The following WNT2B variants were observed in gnomAD, a reference collection of about 807,000 sequenced individuals.
WNT2B encodes the protein Wnt family member 2B, also known as protein Wnt-2b.
WNT2B carries 19 observed loss-of-function variants against 40.5 expected under a neutral mutation model. The observed-to-expected ratio is 0.47, with a 90% CI of 0.33 to 0.69. The LOEUF is 0.69. Among genes scored for constraint, WNT2B ranks in the 30% least tolerant of loss-of-function variants. The pLI, the probability that WNT2B is intolerant of heterozygous loss-of-function variation, is 0.02. For missense variants in WNT2B, 467 were observed against 556.4 expected, an observed-to-expected ratio of 0.84 and a Z score of 1.62; for synonymous variants, 220 against 211.9, an observed-to-expected ratio of 1.04 and a Z score of -0.33.
rs549292466 is a variant in WNT2B, at chr1:112,517,224, G to C, written c.785G>C (p.Gly262Ala). ...WRALSDFRRTGDYLRRRYDGA... is the reference protein window; with the variant it reads ...WRALSDFRRTADYLRRRYDGA... Reference sequence around the variant, plus strand: ...GCACTCTCAGATTTCCGCCGCACAGGTGATTACCTGCGGCGACGCTATGAT... The same window carrying C: ...GCACTCTCAGATTTCCGCCGCACAGCTGATTACCTGCGGCGACGCTATGAT... The change falls in exon 4 of 5, where the codon GGT becomes GCT. Residue 262 changes from glycine to alanine, a missense_variant. Gly to Ala is a moderately conservative substitution (Grantham distance 60, BLOSUM62 0). This residue lies in a region of WNT2B where 330 missense variants were observed against 438.6 expected (regional missense o/e 0.75). Coordinates refer to ENST00000369684, the MANE Select transcript of WNT2B (RefSeq NM_024494.3). The C allele has an allele frequency of 1.9e-6, 3 of 1,614,212 alleles. No individual in the cohort carries two copies. In the South Asian group the frequency reaches 3.3e-5, roughly 18 times the overall value.
At chr1:112,501,999 C>G (rs1336276185) in intron 1 of WNT2B, among the ~76,000 whole-genome samples, 3 of 152,262 alleles carry the variant, frequency 2.0e-5, no homozygotes, top group Non-Finnish European at 4.4e-5. Context: ...CGGCGCGGCG[C>G]CCGGTTCACA....
chr1:112,522,358 A>G lies in WNT2B; in HGVS notation c.*1849A>G, dbSNP rs913480103. 4 of 152,274 alleles carry G rather than the reference A, an allele frequency of 2.6e-5. No homozygotes were observed. The highest frequency in any genetic ancestry group is 7.2e-5 in the African/African-American group (3 of 41,464). 9.4% of individuals were successfully genotyped at this position (152,274 alleles called of 1,614,324 possible). A position where few individuals can be genotyped will look rare whatever the true frequency, so the allele number is the denominator to read the frequency against. On this transcript the variant is annotated 3_prime_UTR_variant, in exon 5 of 5. Transcript: ENST00000369684. ...AGACGCTGAGTTTTAATTATGCACC[A>G]AACTCCAGCCCGCAGATCCTCTTCA...
intron 1 of WNT2B, among the ~76,000 whole-genome samples, chr1:112,493,650 G>A (rs183668188): frequency 6.6e-6 from 1 of 151,702 alleles, no homozygotes; most frequent in African/African-American, 2.4e-5. Context: ...AAACTGAAAA[G>A]CAAAGAGAAA....
intron 1 of WNT2B, among the ~76,000 whole-genome samples, chr1:112,492,224 A>G (rs1160610416): frequency 1.3e-5 from 2 of 152,240 alleles, no homozygotes; most frequent in African/African-American, 4.8e-5. Flanking sequence ...CCAGCCTAAC[A>G]ATAAGTAAAA....
At chr1:112,502,510 T>A (rs1299188659) in intron 1 of WNT2B, among the ~76,000 whole-genome samples, 1 of 152,182 alleles carries the variant, frequency 6.6e-6, no homozygotes, top group Admixed American at 6.5e-5. Context: ...TTTGATCTTA[T>A]CAGGCAAGAG....
At chr1:112,500,193 C>T (rs952320126) in intron 1 of WNT2B, among the ~76,000 whole-genome samples, 1 of 152,156 alleles carries the variant, frequency 6.6e-6, no homozygotes. Flanking sequence ...ATGTTTCCCT[C>T]GTTCTGTCAT....
intron 1 of WNT2B, among the ~76,000 whole-genome samples, chr1:112,502,694 G>A (rs1651997442): frequency 6.6e-6 from 1 of 152,130 alleles, no homozygotes; most frequent in African/African-American, 2.4e-5. Flanking sequence ...CTGGAGGAGA[G>A]TACACACACA....
intron 1 of WNT2B, chr1:112,491,162 C>A: frequency 1.4e-6 from 2 of 1,379,738 alleles, no homozygotes; most frequent in African/African-American, 1.4e-5. Flanking sequence ...GTAATCCCAG[C>A]ACTTTCAGAG....
At chr1:112,508,826 G>A (rs1478593912), upstream of WNT2B, 5 of 993,298 alleles carry the variant, frequency 5.0e-6, no homozygotes, top group African/African-American at 8.7e-5. This position sits in a 1 kb window ranked among gnomAD's most constrained non-coding sequence, Gnocchi z 4.2. Context: ...CCGAGGGGCG[G>A]AGGCGGCTGC....
chr1:112,503,889 A>C (rs903500244), intron 1 of WNT2B, among the ~76,000 whole-genome samples: 1 of 152,166 alleles, frequency 6.6e-6, no homozygotes, highest in African/African-American at 2.4e-5. Flanking sequence ...GAGAAGAGAC[A>C]TGGGGAGAGT....
In WNT2B at chr1:112,520,422, T is replaced by C. The variant is rs1335634435; in HGVS notation, c.1089T>C (p.Cys363=). The C allele has an allele frequency of 6.2e-7, 1 of 1,614,146 alleles. No individual in the cohort carries two copies. Among genetic ancestry groups the C allele is most frequent in the East Asian group, 2.2e-5 (1 of 44,874 alleles). ...GTGAGTGCAAATTCCACTGGTGCTG[T>C]GCTGTACGGTGCAAGGAATGCAGAA... ...TQCECKFHWC[C]AVRCKECRNT... Residue 363 remains cysteine (C), a synonymous_variant, in exon 5 of 5, where the codon TGT becomes TGC. Transcript: ENST00000369684.
At chr1:112,514,771 A>G (rs1289648437) in intron 1 of WNT2B, 103 bp from the exon 2 acceptor site, 13 of 1,092,276 alleles carry the variant, frequency 1.2e-5, no homozygotes, top group Non-Finnish European at 1.8e-5. Flanking sequence ...GAGAGGGGAC[A>G]GAATCTCTTC....
chr1:112,523,771 T>C lies in WNT2B; in HGVS notation c.*3262T>C, dbSNP rs1363130820. The C allele has an allele frequency of 1.3e-5, 2 of 152,126 alleles. No homozygotes were observed. The highest frequency in any genetic ancestry group is 4.8e-5 in the African/African-American group (2 of 41,412). The allele number at this position is 152,126 out of a possible 1,614,324, so 9.4% of individuals were successfully genotyped here. On this transcript the variant is annotated 3_prime_UTR_variant, in exon 5 of 5. Coordinates refer to ENST00000369684, the MANE Select transcript of WNT2B (RefSeq NM_024494.3). ...GCTATTTAGATACAAACTTAAAACA[T>C]ACTATATATTTTAAGGATCTAAGAA...
At chr1:112,467,536 A>G in exon 1 of WNT2B, 1 of 780,880 alleles carries the variant, frequency 1.3e-6, no homozygotes, top group South Asian at 1.3e-5. Flanking sequence ...ACACTTTCCC[A>G]CATGTTGGAT....
intron 1 of WNT2B, among the ~76,000 whole-genome samples, chr1:112,503,641 A>G (rs377195988): frequency 6.6e-6 from 1 of 152,170 alleles, no homozygotes; most frequent in Non-Finnish European, 1.5e-5. Context: ...ATACAGATTC[A>G]TACAGAGAGA....
At chr1:112,514,764 A>G in intron 1 of WNT2B, 110 bp from the exon 2 acceptor site, 1 of 979,418 alleles carries the variant, frequency 1.0e-6, no homozygotes, top group Non-Finnish European at 1.6e-6. Flanking sequence ...GGTTAGGGAG[A>G]GGGGACAGAA....
intron 1 of WNT2B, among the ~76,000 whole-genome samples, chr1:112,494,004 G>A (rs763235903): frequency 5.3e-5 from 8 of 152,006 alleles, no homozygotes; most frequent in Non-Finnish European, 1.0e-4. Flanking sequence ...TTATAGAGAA[G>A]CAAAGATAAA....
At chr1:112,512,231 G>A (rs1652379856) in intron 1 of WNT2B, among the ~76,000 whole-genome samples, 1 of 152,192 alleles carries the variant, frequency 6.6e-6, no homozygotes, top group African/African-American at 2.4e-5. Context: ...GGATAAATCA[G>A]AACAGTTAGG....
chr1:112,467,264 AG>A (rs1407542871), exon 1 of WNT2B: 6 of 450,974 alleles, frequency 1.3e-5, no homozygotes, highest in Non-Finnish European at 2.4e-5. Flanking sequence ...GGAACTCGAC[AG>A]GAAAGGGCAT....
Sources: allele counts gnomAD v4.1 joint callset (sites outside exome capture counted in the v4.1 genomes callset), GRCh38; gene constraint gnomAD v4.1.1; regional missense constraint gnomAD v4.1.1; non-coding constraint Gnocchi (gnomAD v3.1); transcripts MANE v1.5; gene names NCBI Gene and HGNC (gene_info 2026-07-23, HGNC 2026-07-21).